Variants in SHANK2 observed in about 807,000 individuals in gnomAD.
SHANK2 encodes SH3 and multiple ankyrin repeat domains 2, also known as SH3 and multiple ankyrin repeat domains protein 2.
In SHANK2, 43 loss-of-function variants were observed where a neutral mutation model predicts 133.7. That is an observed-to-expected ratio of 0.32 (90% confidence interval 0.25 to 0.41). SHANK2 has a LOEUF of 0.41. Among genes scored for constraint, SHANK2 ranks in the 10% least tolerant of loss-of-function variants. The pLI is 1.00. For synonymous variants in SHANK2, 1,017 were observed against 952.8 expected (o/e 1.07, Z -1.24); for missense variants, 1,994 against 2,235.8 (o/e 0.89, Z 2.18).
At position 70,769,565 on chromosome 11, in the gene SHANK2, A is replaced by AGG. The variant is rs34245153; in HGVS notation, c.1777+28876_1777+28877dup. Among the ~76,000 whole-genome samples the AGG allele has an allele frequency of 5.7e-4, 87 of 152,040 alleles. No homozygotes were observed. The East Asian group carries it at 0.012, about 22-fold the overall frequency. On this transcript the variant is annotated intron_variant, in intron 14 of 25. Transcript: ENST00000601538. ...TGGTGCACACGGCAGGGGGTGGGGC[A>AGG]GGGGGGCTCTCTGAGCCTTCTGCGA...
chr11:71,140,009 G>A (rs1306854093), intron 3 of SHANK2, among the ~76,000 whole-genome samples: 2 of 152,174 alleles, frequency 1.3e-5, no homozygotes, highest in Admixed American at 6.5e-5. Context: ...ACGGGCACTG[G>A]GGCCTCGGTG....
Position 70,500,858 on chromosome 11 carries a change from C to T in SHANK2, c.2288-268G>A, listed in dbSNP as rs1278984268. ...CAGTGGAAAGGGGCTTTCCTTCTTCCTCAGCACCCCTTGTCCCACCAGCAC... is the reference window on the plus strand; with the variant it reads ...CAGTGGAAAGGGGCTTTCCTTCTTCTTCAGCACCCCTTGTCCCACCAGCAC... On this transcript the variant is annotated intron_variant, in intron 20 of 25. Transcript: ENST00000601538. This position sits in a 1 kb window ranked among gnomAD's most constrained non-coding sequence, Gnocchi z 4.5. The T allele has an allele frequency of 8.7e-6, 6 of 693,544 alleles. No homozygotes were observed. Among genetic ancestry groups the T allele is most frequent in the African/African-American group, 1.9e-5 (1 of 51,740 alleles). The allele number at this position is 693,544 out of a possible 1,614,324, so 43.0% of individuals were successfully genotyped here.
At chr11:71,141,323 T>C (rs7127723) in intron 3 of SHANK2, among the ~76,000 whole-genome samples, 43,436 of 148,098 alleles carry the variant, frequency 0.29, 6,878 homozygotes, top group East Asian at 0.52. Context: ...TGAAACCCCC[T>C]CTCTACTAAA....
At chr11:71,137,939 A>G (rs1461660629) in intron 3 of SHANK2, among the ~76,000 whole-genome samples, 1 of 152,080 alleles carries the variant, frequency 6.6e-6, no homozygotes, top group African/African-American at 2.4e-5. Context: ...CCACCCCTGC[A>G]CCAGCCGCCC....
At position 70,882,356 on chromosome 11, in the gene SHANK2, C is replaced by G. The variant is rs1949671871; in HGVS notation, c.1174+14145G>C. ...AGGCAGAAAGGCCCCTGGGCTGTGC[C>G]TGTAGCTAGGAGCTGGGAACCAGTT... On this transcript the variant is annotated intron_variant, in intron 11 of 25. Coordinates refer to ENST00000601538, the MANE Select transcript of SHANK2 (RefSeq NM_012309.5). This position sits in a 1 kb window ranked among gnomAD's most constrained non-coding sequence, Gnocchi z 4.2. Among the ~76,000 whole-genome samples, 1 of 152,166 alleles carries G rather than the reference C, an allele frequency of 6.6e-6. No homozygotes were observed. Among genetic ancestry groups the G allele is most frequent in the Admixed American group, 6.5e-5 (1 of 15,284 alleles).
At chr11:71,057,265 C>T (rs937047906) in intron 9 of SHANK2, among the ~76,000 whole-genome samples, 6 of 151,954 alleles carry the variant, frequency 3.9e-5, no homozygotes, top group African/African-American at 7.2e-5. Flanking sequence ...ACCCAGGAGG[C>T]GGAGGTTGCA....
chr11:71,188,491 C>A lies in SHANK2; in HGVS notation c.-13+36206G>T, dbSNP rs1555114830. 6.6e-6 allele frequency among the ~76,000 whole-genome samples: 1 copy of A among 152,180 alleles called. No individual in the cohort carries two copies. Among genetic ancestry groups the A allele is most frequent in the Non-Finnish European group, 1.5e-5 (1 of 68,030 alleles). On this transcript the variant is annotated intron_variant, in intron 2 of 25. Coordinates refer to ENST00000601538, the MANE Select transcript of SHANK2 (RefSeq NM_012309.5). The surrounding 1 kb of genome is among the most constrained non-coding windows in gnomAD (Gnocchi z 4.6). ...TTCGGCGCAAGGGAACAGGAAAACA[C>A]TGCAAATATTTACAGTGGACGTACG...
At chr11:70,870,262 G>A (rs1040731005) in intron 11 of SHANK2, among the ~76,000 whole-genome samples, 34 of 152,218 alleles carry the variant, frequency 2.2e-4, no homozygotes, top group Admixed American at 1.4e-3. Flanking sequence ...ACCCAGAGCC[G>A]TCCCCTCCTG....
chr11:71,122,286 C>T (rs1952095604), intron 3 of SHANK2, among the ~76,000 whole-genome samples: 1 of 152,154 alleles, frequency 6.6e-6, no homozygotes, highest in Non-Finnish European at 1.5e-5. Context: ...GAAAATGTGG[C>T]ACATATACAC....
At chr11:71,125,531 G>C (rs1323109534) in intron 3 of SHANK2, among the ~76,000 whole-genome samples, 2 of 152,326 alleles carry the variant, frequency 1.3e-5, no homozygotes, top group Admixed American at 6.5e-5. Context: ...TTCTCTGAAG[G>C]CTGAGAGAGG....
intron 9 of SHANK2, among the ~76,000 whole-genome samples, chr11:71,074,773 A>ATTTTTTTTTTTTTTTTT (rs36140840): frequency 1.1e-5 from 1 of 92,524 alleles, no homozygotes; most frequent in Non-Finnish European, 2.1e-5. Context: ...ACCTAAGCCA[A>ATTTTTTTTTTTTTTTTT]TTTTTTTTTT....
rs566050422 is a variant in SHANK2, at chr11:70,758,212, C to T, written c.1777+40231G>A. Reference sequence around the variant, plus strand: ...CGGGATGTAAACCCAGGCATTCCAGCCGGCAATGGCTACCCGCTTTGGGTC... The same window carrying T: ...CGGGATGTAAACCCAGGCATTCCAGTCGGCAATGGCTACCCGCTTTGGGTC... On this transcript the variant is annotated intron_variant, in intron 14 of 25. Coordinates refer to ENST00000601538, the MANE Select transcript of SHANK2 (RefSeq NM_012309.5). Among the ~76,000 whole-genome samples, 7 of 152,368 alleles carry T rather than the reference C, an allele frequency of 4.6e-5. No homozygotes were observed. In the South Asian group the frequency reaches 1.2e-3, roughly 27 times the overall value.
intron 4 of SHANK2, among the ~76,000 whole-genome samples, chr11:71,114,131 TCA>T (rs1462338484): frequency 6.6e-6 from 1 of 152,134 alleles, no homozygotes; most frequent in Admixed American, 6.5e-5. Context: ...TGCTCTCAAC[TCA>T]CAGAGTTAAC....
At chr11:70,623,084 G>A (rs569416713) in intron 17 of SHANK2, among the ~76,000 whole-genome samples, 87 of 152,264 alleles carry the variant, frequency 5.7e-4, no homozygotes, top group Non-Finnish European at 1.0e-3. Context: ...GCTGAGGCAG[G>A]AGAATGGCGT....
intron 6 of SHANK2, among the ~76,000 whole-genome samples, chr11:71,104,363 C>T (rs531618923): frequency 8.5e-5 from 13 of 152,074 alleles, no homozygotes; most frequent in Non-Finnish European, 1.5e-5. Context: ...AACACAGGGC[C>T]CCCCCCATCC....
At chr11:70,842,400 C>A (rs972497369) in intron 11 of SHANK2, among the ~76,000 whole-genome samples, 2 of 152,186 alleles carry the variant, frequency 1.3e-5, no homozygotes, top group Admixed American at 1.3e-4. Context: ...AGGCCCATGG[C>A]CCACTCTGCT....
At chr11:71,085,983 ATATAT>A (rs1162504034) in intron 8 of SHANK2, among the ~76,000 whole-genome samples, 1,872 of 83,516 alleles carry the variant, frequency 0.022, 113 homozygotes, top group African/African-American at 0.09. Flanking sequence ...ATATTATGTT[ATATAT>A]TATATTATGT....
At chr11:70,755,318 T>C (rs522044) in intron 14 of SHANK2, among the ~76,000 whole-genome samples, 89,387 of 152,158 alleles carry the variant, frequency 0.59, 27,056 homozygotes, top group African/African-American at 0.75. Context: ...GTGATCCACC[T>C]GCCTCGGCCT....
At chr11:70,633,250 T>C (rs1008296009) in intron 17 of SHANK2, among the ~76,000 whole-genome samples, 1 of 148,398 alleles carries the variant, frequency 6.7e-6, no homozygotes, top group African/African-American at 2.4e-5. Flanking sequence ...ATATATTCTA[T>C]ATAAAACATG....
Sources: allele counts gnomAD v4.1 joint callset (sites outside exome capture counted in the v4.1 genomes callset), GRCh38; gene constraint gnomAD v4.1.1; non-coding constraint Gnocchi (gnomAD v3.1); transcripts MANE v1.5; gene names NCBI Gene and HGNC (gene_info 2026-07-23, HGNC 2026-07-21).